Variants in CASZ1 observed in about 807,000 individuals in gnomAD.
The protein encoded by CASZ1 is castor zinc finger 1.
CASZ1 carries 28 observed loss-of-function variants against 135.2 expected under a neutral mutation model. That is an observed-to-expected ratio of 0.21 (90% CI 0.15 to 0.28). The LOEUF is 0.28. Ranked by LOEUF, CASZ1 falls within the 10% of genes least tolerant of loss-of-function variation. The pLI is 1.00. For missense variants in CASZ1, 2,161 were observed against 2,453.3 expected, an observed-to-expected ratio of 0.88 and a Z score of 2.52; for synonymous variants, 1,068 against 1,073.4, an observed-to-expected ratio of 0.99 and a Z score of 0.10.
At chr1:10,746,495 G>C (rs776156316) in intron 2 of CASZ1, among the ~76,000 whole-genome samples, 2 of 152,186 alleles carry the variant, frequency 1.3e-5, no homozygotes, top group African/African-American at 4.8e-5. Context: ...AGGAGTCTGC[G>C]CGGGATCCCT....
chr1:10,636,935 T>C lies in CASZ1; in HGVS notation c.*2007A>G, dbSNP rs1276720288. ...TATTTGATATTTATATATATACACA[T>C]ACATAGTTATAAAACATTAAAAAGA... On this transcript the variant is annotated 3_prime_UTR_variant, in exon 21 of 21. Transcript: ENST00000377022. 1 of 152,142 alleles carries C rather than the reference T, an allele frequency of 6.6e-6. No individual in the cohort carries two copies. Among genetic ancestry groups the C allele is most frequent in the Non-Finnish European group, 1.5e-5 (1 of 67,964 alleles). 9.4% of individuals were successfully genotyped at this position (152,142 alleles called of 1,614,324 possible). A position where few individuals can be genotyped will look rare whatever the true frequency, so the allele number is the denominator to read the frequency against.
At chr1:10,772,876 C>A (rs1640600052) in intron 1 of CASZ1, among the ~76,000 whole-genome samples, 1 of 152,174 alleles carries the variant, frequency 6.6e-6, no homozygotes, top group African/African-American at 2.4e-5. Flanking sequence ...CCTCCTCCCC[C>A]TCGCCTCTGA....
chr1:10,653,552 G>A lies in CASZ1; in HGVS notation c.2505C>T (p.Asp835=). ...CTCCCGAGGCGACCAGCGTGGGTGT[G>A]TCAGGGGTGGCTGAGGCTGCTGACC... ...SSGSAASATP[D]TPTLVASGAG... The change falls in exon 11 of 21, where the codon GAC becomes GAT. Residue 835 remains aspartate, a synonymous_variant. Transcript: ENST00000377022. 1.3e-6 allele frequency: 2 copies of A among 1,586,782 alleles called. No homozygotes were observed. Among genetic ancestry groups the A allele is most frequent in the Non-Finnish European group, 1.7e-6 (2 of 1,164,358 alleles).
rs1398835308 is a variant in CASZ1, at chr1:10,639,532, A to T, written c.4690T>A (p.Tyr1564Asn). 2 of 1,611,022 alleles carry T rather than the reference A, an allele frequency of 1.2e-6. No individual in the cohort carries two copies. The highest frequency in any genetic ancestry group is 2.7e-5 in the African/African-American group (2 of 74,900). Residue 1564 changes from tyrosine (Y) to asparagine (N), a missense_variant, in exon 21 of 21, where the codon TAC becomes AAC. Tyr to Asn is a moderately radical substitution (Grantham distance 143). Coordinates refer to ENST00000377022, the MANE Select transcript of CASZ1 (RefSeq NM_001079843.3). This position sits in a 1 kb window ranked among gnomAD's most constrained non-coding sequence, Gnocchi z 4.0. ...TGGAAGTGCGAGCACTTGAGCTTGTACTTGCAGTCGGGCACGGCGCAGTCG... is the reference window on the plus strand; with the variant it reads ...TGGAAGTGCGAGCACTTGAGCTTGTTCTTGCAGTCGGGCACGGCGCAGTCG... ...SADCAVPDCK[Y>N]KLKCSHFHCT... is the part of the protein sequence containing the mutation.
In CASZ1 at chr1:10,769,141, AAAAAG is replaced by A. The variant is rs1488510273; in HGVS notation, c.-233-8289_-233-8285del. 8.5e-5 allele frequency among the ~76,000 whole-genome samples: 13 copies of A among 152,358 alleles called. No individual in the cohort carries two copies. In the South Asian group the frequency reaches 2.3e-3, roughly 27 times the overall value. ...GGCAACAGAGCAAGCCTCCGTCTCAAAAAAGAAAAGAAAAGAAAACTCAAGCCAGT... is the reference window on the plus strand; with the variant it reads ...GGCAACAGAGCAAGCCTCCGTCTCAAAAAAGAAAAGAAAACTCAAGCCAGT... On this transcript the variant is annotated intron_variant, in intron 1 of 20. Coordinates refer to ENST00000377022, the MANE Select transcript of CASZ1 (RefSeq NM_001079843.3).
At chr1:10,656,927 C>A (rs1428025667) in intron 7 of CASZ1, among the ~76,000 whole-genome samples, 191 bp from the exon 8 acceptor site, 2 of 152,116 alleles carry the variant, frequency 1.3e-5, no homozygotes, top group Non-Finnish European at 2.9e-5. Context: ...AGGCCTGGCC[C>A]CAAGAAAGGG....
At chr1:10,696,888 C>A (rs1486223271) in intron 3 of CASZ1, among the ~76,000 whole-genome samples, 3 of 152,192 alleles carry the variant, frequency 2.0e-5, no homozygotes, top group African/African-American at 7.2e-5. Context: ...CAGGCAGGAC[C>A]ACCTGGATTG....
chr1:10,752,588 T>C (rs756791288), intron 2 of CASZ1, among the ~76,000 whole-genome samples: 4 of 152,110 alleles, frequency 2.6e-5, no homozygotes, highest in Non-Finnish European at 5.9e-5. Context: ...CTGCCTTGCT[T>C]GCAAAGTCCC....
At chr1:10,684,541 G>A (rs574849836) in intron 4 of CASZ1, among the ~76,000 whole-genome samples, 12 of 152,318 alleles carry the variant, frequency 7.9e-5, no homozygotes, top group Admixed American at 1.3e-4. Context: ...CTGAGGGTGG[G>A]ACCATGTCAA....
rs1369993567 is a variant in CASZ1 at position 10,709,685 on chromosome 1, G to T, written c.-76-4141C>A. ...AAGAAAGCGAATCAAAGTGCTGCCC[G>T]GAGGACGGCTGGGGAGAGAAAGGCC... On this transcript the variant is annotated intron_variant, in intron 2 of 20. Transcript: ENST00000377022. The surrounding 1 kb of genome is among the most constrained non-coding windows in gnomAD (Gnocchi z 5.1). Among the ~76,000 whole-genome samples, 1 of 152,132 alleles carries T rather than the reference G, an allele frequency of 6.6e-6. No homozygotes were observed. The highest frequency in any genetic ancestry group is 6.5e-5 in the Admixed American group (1 of 15,278).
Position 10,697,111 on chromosome 1 carries a change from C to T in CASZ1, c.-23-3199G>A, listed in dbSNP as rs534011619. Among the ~76,000 whole-genome samples, 3 of 152,274 alleles carry T rather than the reference C, an allele frequency of 2.0e-5. No homozygotes were observed. Among genetic ancestry groups the T allele is most frequent in the Admixed American group, 6.5e-5 (1 of 15,298 alleles). ...GAAAAGGCCTTCAGTGGAGGAGCAGCGGTCAGAGAAGCAAGAAACAGGCCA... is the reference window on the plus strand; with the variant it reads ...GAAAAGGCCTTCAGTGGAGGAGCAGTGGTCAGAGAAGCAAGAAACAGGCCA... On this transcript the variant is annotated intron_variant, in intron 3 of 20. Transcript: ENST00000377022. The surrounding 1 kb of genome is among the most constrained non-coding windows in gnomAD (Gnocchi z 4.7).
chr1:10,663,223 G>A (rs897803870), intron 5 of CASZ1, among the ~76,000 whole-genome samples: 1 of 152,216 alleles, frequency 6.6e-6, no homozygotes. Flanking sequence ...GGGATCCTCA[G>A]AGACACCTGG....
intron 1 of CASZ1, among the ~76,000 whole-genome samples, chr1:10,771,171 C>T (rs776997277): frequency 2.3e-4 from 34 of 147,050 alleles, no homozygotes; most frequent in Non-Finnish European, 4.5e-4. Context: ...GCTGGGGGTG[C>T]GGGACAGGGA....
chr1:10,654,397 C>T (rs772694955), intron 10 of CASZ1, 22 bp downstream of exon 10: 7 of 1,609,414 alleles, frequency 4.3e-6, no homozygotes, highest in Non-Finnish European at 5.9e-6. Context: ...CCCACGAAGG[C>T]CCCCACCAGG....
chr1:10,728,360 G>A (rs1040605393), intron 2 of CASZ1, among the ~76,000 whole-genome samples: 10 of 152,178 alleles, frequency 6.6e-5, no homozygotes, highest in Non-Finnish European at 1.2e-4. Context: ...TATGGACCAC[G>A]GGAAAAGGTC....
chr1:10,656,675 G>A lies in CASZ1; in HGVS notation c.1471C>T (p.His491Tyr), dbSNP rs768676769. The A allele has an allele frequency of 1.2e-6, 2 of 1,603,298 alleles. No individual in the cohort carries two copies. The highest frequency in any genetic ancestry group is 2.3e-5 in the South Asian group (2 of 88,464). ...TAGTTACACTCAGGGTCAAGGCAGT[G>A]GTAGTGCTCGCGGTACTGGTAGGCA... ...HCAYQYREHY[H>Y]CLDPECNYQR... is the part of the protein sequence containing the mutation. The change falls in exon 8 of 21, where the codon CAC (histidine) becomes TAC (tyrosine). Residue 491 changes from histidine (H) to tyrosine (Y), a missense_variant. Transcript: ENST00000377022.
intron 1 of CASZ1, among the ~76,000 whole-genome samples, chr1:10,780,411 C>T (rs1255740843): frequency 1.3e-5 from 2 of 152,154 alleles, no homozygotes; most frequent in Non-Finnish European, 2.9e-5. Flanking sequence ...CACCTCATTA[C>T]CAAAAAGATG....
At position 10,719,754 on chromosome 1, in the gene CASZ1, T is replaced by C. The variant is rs1459801060; in HGVS notation, c.-76-14210A>G. Reference sequence around the variant, plus strand: ...CAGCAGGGTATGGGAATAGAGGAATTGGGCACTTCAACGTTCCAAGCAAAA... The same window carrying C: ...CAGCAGGGTATGGGAATAGAGGAATCGGGCACTTCAACGTTCCAAGCAAAA... On this transcript the variant is annotated intron_variant, in intron 2 of 20. Transcript: ENST00000377022. The surrounding 1 kb of genome is among the most constrained non-coding windows in gnomAD (Gnocchi z 4.0). 6.6e-6 allele frequency among the ~76,000 whole-genome samples: 1 copy of C among 152,080 alleles called. No individual in the cohort carries two copies. The highest frequency in any genetic ancestry group is 2.4e-5 in the African/African-American group (1 of 41,410).
At chr1:10,650,268 C>T (rs1477438864) in intron 13 of CASZ1, 2 of 152,368 alleles carry the variant, frequency 1.3e-5, no homozygotes, top group African/African-American at 2.4e-5. Context: ...GCGACCTCTC[C>T]GGAAGGCGTC....
Sources: gnomAD v4.1 joint callset for allele counts (sites outside exome capture counted in the v4.1 genomes callset) on GRCh38, gnomAD v4.1.1 for gene constraint, Gnocchi (gnomAD v3.1) non-coding constraint, MANE v1.5 for transcripts, NCBI Gene and HGNC (gene_info 2026-07-23, HGNC 2026-07-21) for gene names.